The following SEL1L2 variants were observed in gnomAD, a reference collection of about 807,000 sequenced individuals.
SEL1L2 encodes SEL1L2 adaptor subunit of SYVN1 ubiquitin ligase, also known as protein sel-1 homolog 2.
SEL1L2 carries 89 observed loss-of-function variants against 98.8 expected under a neutral mutation model. The ratio of observed to expected loss-of-function variants is 0.90; its 90% CI spans 0.76 to 1.07. The LOEUF is 1.07. Among genes scored for constraint, SEL1L2 ranks in the 50% least tolerant of loss-of-function variants. The pLI is 0.00. For missense variants in SEL1L2, 788 were observed against 812.0 expected (o/e 0.97, Z 0.36); for synonymous variants, 262 against 278.5 (o/e 0.94, Z 0.59).
At chr20:13,970,468 T>C (rs554670847) in intron 1 of SEL1L2, among the ~76,000 whole-genome samples, 32 of 152,324 alleles carry the variant, frequency 2.1e-4, no homozygotes, top group African/African-American at 7.5e-4. Flanking sequence ...TAAATATTAA[T>C]AGATAATGCC....
At chr20:13,948,946 G>T (rs568013389) in intron 2 of SEL1L2, among the ~76,000 whole-genome samples, 1 of 152,118 alleles carries the variant, frequency 6.6e-6, no homozygotes, top group African/African-American at 2.4e-5. Context: ...GACCAGAAGG[G>T]TCAATTTCTA....
At chr20:13,975,282 G>A (rs1203621498) in intron 1 of SEL1L2, among the ~76,000 whole-genome samples, 2 of 152,122 alleles carry the variant, frequency 1.3e-5, no homozygotes, top group Non-Finnish European at 2.9e-5. Context: ...CTGGCTGTTT[G>A]TTCTATATGA....
intron 14 of SEL1L2, 104 bp from the exon 15 acceptor site, chr20:13,866,954 G>A: frequency 1.7e-6 from 2 of 1,157,684 alleles, no homozygotes; most frequent in Non-Finnish European, 2.3e-6. Context: ...TAAATAGAAT[G>A]GGAAAAGCCA....
upstream of SEL1L2, among the ~76,000 whole-genome samples, chr20:13,992,221 G>A (rs540720362): frequency 8.5e-5 from 13 of 152,050 alleles, no homozygotes; most frequent in Non-Finnish European, 1.9e-4. Flanking sequence ...GAGGCTATGT[G>A]GGCTGGGTGC....
intron 1 of SEL1L2, among the ~76,000 whole-genome samples, chr20:13,963,976 A>G (rs1194805931): frequency 6.6e-6 from 1 of 151,942 alleles, no homozygotes; most frequent in Non-Finnish European, 1.5e-5. Context: ...GGTCCAAGCG[A>G]TTCTCCTGCT....
At chr20:13,862,880 A>C (rs1275453647) in intron 17 of SEL1L2, among the ~76,000 whole-genome samples, 1 of 151,782 alleles carries the variant, frequency 6.6e-6, no homozygotes, top group Non-Finnish European at 1.5e-5. Context: ...ATTTTTTTGT[A>C]GAGATGAGGT....
intron 1 of SEL1L2, among the ~76,000 whole-genome samples, chr20:13,989,718 T>G (rs900408832): frequency 1.3e-5 from 2 of 152,268 alleles, no homozygotes; most frequent in Non-Finnish European, 2.9e-5. Context: ...AATGATCATG[T>G]GATCTTTGTC....
At chr20:13,878,780 T>C (rs1307914780) in intron 10 of SEL1L2, among the ~76,000 whole-genome samples, 3 of 152,180 alleles carry the variant, frequency 2.0e-5, no homozygotes, top group Admixed American at 1.3e-4. Context: ...GATAGTATGT[T>C]ACGTATTATA....
intron 1 of SEL1L2, among the ~76,000 whole-genome samples, chr20:13,984,474 G>A (rs2052043796): frequency 1.3e-5 from 2 of 152,134 alleles, no homozygotes; most frequent in South Asian, 4.1e-4. Context: ...TCTCACCTTG[G>A]ACTTCCGTGA....
At chr20:13,923,162 T>G (rs1434363500) in intron 3 of SEL1L2, among the ~76,000 whole-genome samples, 1 of 152,250 alleles carries the variant, frequency 6.6e-6, no homozygotes, top group Non-Finnish European at 1.5e-5. Flanking sequence ...GTATATGAAT[T>G]TGAAACAATA....
intron 6 of SEL1L2, 45 bp downstream of exon 6, chr20:13,888,414 T>A: frequency 7.8e-7 from 1 of 1,284,526 alleles, no homozygotes; most frequent in East Asian, 2.3e-5. Context: ...ATGTCCCTTT[T>A]AGAGAAATCA....
chr20:13,952,604 C>T (rs2050323502), intron 2 of SEL1L2, among the ~76,000 whole-genome samples: 6 of 152,192 alleles, frequency 3.9e-5, no homozygotes, highest in Admixed American at 3.9e-4. Context: ...CTCTCCTTCA[C>T]ATACCCCAGG....
intron 11 of SEL1L2, among the ~76,000 whole-genome samples, chr20:13,876,829 T>C (rs2046454853): frequency 6.6e-6 from 1 of 152,198 alleles, no homozygotes; most frequent in African/African-American, 2.4e-5. Flanking sequence ...TTTTATTTTA[T>C]TTTTTATTTT....
chr20:13,849,354 G>A lies in SEL1L2; in HGVS notation c.*131C>T. 1 of 1,188,180 alleles carries A rather than the reference G, an allele frequency of 8.4e-7. No individual in the cohort carries two copies. The allele number at this position is 1,188,180 out of a possible 1,614,324, so 73.6% of individuals were successfully genotyped here. ...TTCTCTAGGATGGTCCCCAAGTCTT[G>A]TCTGTTTCCCATCACAGCCCTGAGC... On this transcript the variant is annotated 3_prime_UTR_variant, in exon 20 of 20. Transcript: ENST00000284951.
rs375921552 is a variant in SEL1L2, at chr20:13,869,553, G to A, written c.1205C>T (p.Ala402Val). The part of the protein sequence containing the change: ...AEALKYFQKA[A>V]EKGWPDAQFQ... ...CTGTGCGTCGGGCCACCCTTTTTCC[G>A]CAGCTTTCTGAAAGTATTTAAGTGC... is the stretch of plus-strand genomic sequence containing the variant. The change falls in exon 14 of 20, where the codon GCG (alanine) becomes GTG (valine). Residue 402 changes from alanine (A) to valine (V), a missense_variant. By Grantham distance (64) the Ala-to-Val change is moderately conservative. Coordinates refer to ENST00000284951, the MANE Select transcript of SEL1L2 (RefSeq NM_025229.2). 78 of 1,613,834 alleles carry A rather than the reference G, an allele frequency of 4.8e-5. No homozygotes were observed. The highest frequency in any genetic ancestry group is 6.0e-5 in the Non-Finnish European group (71 of 1,179,978).
intron 18 of SEL1L2, among the ~76,000 whole-genome samples, chr20:13,858,761 A>T (rs1346429887): frequency 6.6e-6 from 1 of 150,748 alleles, no homozygotes; most frequent in Non-Finnish European, 1.5e-5. Context: ...GGGACTGGAG[A>T]TTCACTCTCT....
chr20:13,878,061 T>C (rs1255875189), intron 10 of SEL1L2, among the ~76,000 whole-genome samples: 4 of 152,168 alleles, frequency 2.6e-5, no homozygotes. Flanking sequence ...TGAGATCAGG[T>C]CTTTATGCAG....
chr20:13,994,328 C>CAAAAAAAAAACAAAAAAAAA (rs1569103714), upstream of SEL1L2, among the ~76,000 whole-genome samples: 1 of 126,540 alleles, frequency 7.9e-6, no homozygotes, highest in Non-Finnish European at 1.7e-5. Context: ...AAAGACAAAA[C>CAAAAAAAAAACAAAAAAAAA]AAAAATTACC....
At chr20:13,953,062 T>A (rs1389115582) in intron 2 of SEL1L2, among the ~76,000 whole-genome samples, 1 of 152,140 alleles carries the variant, frequency 6.6e-6, no homozygotes, top group Non-Finnish European at 1.5e-5. Context: ...TCCTCCAAAC[T>A]GGGAAAAGTT....
Sources: gnomAD v4.1 joint callset for allele counts (sites outside exome capture counted in the v4.1 genomes callset) on GRCh38, gnomAD v4.1.1 for gene constraint, MANE v1.5 for transcripts, NCBI Gene and HGNC (gene_info 2026-07-23, HGNC 2026-07-21) for gene names.